CRLF1: variants seen among roughly 807,000 people sequenced by gnomAD.
CRLF1 encodes the protein cytokine receptor-like factor 1.
CRLF1 carries 36 observed loss-of-function variants against 48.9 expected under a neutral mutation model. That is an observed-to-expected ratio of 0.74 (90% CI 0.56 to 0.97). The LOEUF (loss-of-function observed/expected upper bound fraction) is 0.97. Ranked by LOEUF, CRLF1 falls within the 50% of genes least tolerant of loss-of-function variation. The pLI, the probability that CRLF1 is intolerant of heterozygous loss-of-function variation, is 0.00. For synonymous variants in CRLF1, 256 were observed against 253.4 expected, an observed-to-expected ratio of 1.01 and a Z score of -0.10; for missense variants, 534 against 575.1, an observed-to-expected ratio of 0.93 and a Z score of 0.73.
At position 18,604,231 on chromosome 19, in the gene CRLF1, C is replaced by T. The variant is rs368726230; in HGVS notation, c.115+2311G>A. Among the ~76,000 whole-genome samples, 27 of 152,294 alleles carry T rather than the reference C, an allele frequency of 1.8e-4. No individual in the cohort carries two copies. The East Asian group carries it at 4.7e-3, about 26-fold the overall frequency. On this transcript the variant is annotated intron_variant, in intron 1 of 8. Transcript: ENST00000392386. ...GGCCTGGGCCGGCGTGGCTCACTTG[C>T]CAGCAGCTGCAGCTGCCCTCCCGGG...
rs976122959 is a variant in CRLF1 at position 18,606,679 on chromosome 19, C to T, written c.-23G>A. 2 of 520,928 alleles carry T rather than the reference C, an allele frequency of 3.8e-6. No individual in the cohort carries two copies. The highest frequency in any genetic ancestry group is 4.9e-6 in the Non-Finnish European group (2 of 409,168). 32.3% of individuals were successfully genotyped at this position (520,928 alleles called of 1,614,324 possible). On this transcript the variant is annotated 5_prime_UTR_variant, in exon 1 of 9. Transcript: ENST00000392386. This position sits in a 1 kb window ranked among gnomAD's most constrained non-coding sequence, Gnocchi z 4.8. ...CATGGGGCCGGCGCTGCCGGGGGCG[C>T]GCGGCGGGCTGCGGCTCGGCGGCGG... is the stretch of plus-strand genomic sequence containing the variant.
chr19:18,603,814 G>C (rs1976250393), intron 1 of CRLF1, among the ~76,000 whole-genome samples: 1 of 151,948 alleles, frequency 6.6e-6, no homozygotes, highest in Admixed American at 6.5e-5. Context: ...GCTTGGCCCA[G>C]GGCTCGCCGG....
intron 2 of CRLF1, 35 bp downstream of exon 2, chr19:18,599,530 G>C (rs755940352): frequency 1.9e-6 from 3 of 1,611,408 alleles, no homozygotes; most frequent in South Asian, 2.2e-5. Context: ...CCGCTCCCAA[G>C]AGCTACCCCT....
rs1249177763 is a variant in CRLF1, at chr19:18,594,424, G to A, written c.1035C>T (p.Gly345=). ...AASTPRSERP[G]PGGGACEPRG... ...GCGGTTCGCACGCCCCGCCGCCCGGGCCCGGGCGCTCTGGTGGTGGGCGGA... is the reference window on the plus strand; with the variant it reads ...GCGGTTCGCACGCCCCGCCGCCCGGACCCGGGCGCTCTGGTGGTGGGCGGA... Residue 345 remains glycine (G), a synonymous_variant, in exon 7 of 9, where the codon GGC becomes GGT. Coordinates refer to ENST00000392386, the MANE Select transcript of CRLF1 (RefSeq NM_004750.5). The A allele has an allele frequency of 1.3e-6, 2 of 1,493,156 alleles. No homozygotes were observed. Among genetic ancestry groups the A allele is most frequent in the African/African-American group, 1.4e-5 (1 of 70,226 alleles). 92.5% of individuals were successfully genotyped at this position (1,493,156 alleles called of 1,614,324 possible).
chr19:18,601,663 C>T (rs1384511289), intron 1 of CRLF1, among the ~76,000 whole-genome samples: 4 of 152,176 alleles, frequency 2.6e-5, no homozygotes, highest in African/African-American at 7.2e-5. Context: ...CTCAGCCTCC[C>T]GAAGTGCTGG....
intron 1 of CRLF1, among the ~76,000 whole-genome samples, chr19:18,603,141 C>T (rs915307334): frequency 2.0e-5 from 3 of 152,246 alleles, no homozygotes; most frequent in South Asian, 2.1e-4. Flanking sequence ...ATAGTGTGTC[C>T]GGATCTGTGG....
intron 1 of CRLF1, among the ~76,000 whole-genome samples, chr19:18,601,576 G>A (rs1442662286): frequency 6.6e-6 from 1 of 151,964 alleles, no homozygotes; most frequent in African/African-American, 2.4e-5. Flanking sequence ...CGCCCAGCCT[G>A]TATTTTTAGT....
intron 8 of CRLF1, 33 bp downstream of exon 8, chr19:18,594,032 T>TTGGA: frequency 2.9e-6 from 2 of 695,808 alleles, no homozygotes; most frequent in Non-Finnish European, 4.4e-6. Context: ...CTCCCCTTGC[T>TTGGA]CCCTCCCGCC....
chr19:18,599,661 C>G lies in CRLF1; in HGVS notation c.301G>C (p.Ala101Pro). 2 of 1,613,246 alleles carry G rather than the reference C, an allele frequency of 1.2e-6. No individual in the cohort carries two copies. The highest frequency in any genetic ancestry group is 8.5e-7 in the Non-Finnish European group (1 of 1,179,818). Reference sequence around the variant, plus strand: ...CGCTGCCTGGACCCATTGAGGTTGGCCAGGGCCAGAGCCAAGGTGGAGGCG... The same window carrying G: ...CGCTGCCTGGACCCATTGAGGTTGGGCAGGGCCAGAGCCAAGGTGGAGGCG... Reference protein sequence around the residue: ...LNASTLALALANLNGSRQRSG... With the variant: ...LNASTLALALPNLNGSRQRSG... Residue 101 changes from alanine (A) to proline (P), a missense_variant, in exon 2 of 9, where the codon GCC becomes CCC. Ala to Pro is a conservative substitution (Grantham distance 27). Transcript: ENST00000392386.
At chr19:18,602,249 G>A (rs530580360) in intron 1 of CRLF1, among the ~76,000 whole-genome samples, 1 of 152,274 alleles carries the variant, frequency 6.6e-6, no homozygotes, top group East Asian at 1.9e-4. Flanking sequence ...GGGTGCACAG[G>A]CCAACCTCCC....
intron 8 of CRLF1, 35 bp downstream of exon 8, chr19:18,594,030 G>GGGGGGGGCC: frequency 3.0e-6 from 4 of 1,315,292 alleles, no homozygotes; most frequent in Non-Finnish European, 4.2e-6. Context: ...CCCTCCCCTT[G>GGGGGGGGCC]CTCCCTCCCG....
At chr19:18,598,005 G>A (rs1369201138) in intron 4 of CRLF1, among the ~76,000 whole-genome samples, 2 of 152,090 alleles carry the variant, frequency 1.3e-5, no homozygotes, top group African/African-American at 2.4e-5. Context: ...GCCTGCTTGG[G>A]GCTGAGAAAC....
chr19:18,606,607 G>T lies in CRLF1; in HGVS notation c.50C>A (p.Pro17Gln), dbSNP rs1279453694. 7 of 1,093,518 alleles carry T rather than the reference G, an allele frequency of 6.4e-6. No individual in the cohort carries two copies. In the South Asian group the frequency reaches 1.7e-4, roughly 27 times the overall value. 67.7% of individuals were successfully genotyped at this position (1,093,518 alleles called of 1,614,324 possible). ...CAGCAGCAGCAGGGGCAGCAACGGC[G>T]GCGGCCGCCGCGCGGATTGGGCGGC... The part of the protein sequence containing the change: ...GPAAQSARRP[P>Q]PLLPLLLLLC... Residue 17 changes from proline to glutamine, a missense_variant, in exon 1 of 9, where the codon CCG becomes CAG. Around this residue, in one of 2 missense-constraint regions of CRLF1, gnomAD observed 528 missense variants for 555.7 expected, o/e 0.95. Coordinates refer to ENST00000392386, the MANE Select transcript of CRLF1 (RefSeq NM_004750.5). This position sits in a 1 kb window ranked among gnomAD's most constrained non-coding sequence, Gnocchi z 4.8.
At chr19:18,597,523 G>A (rs1352985822) in intron 4 of CRLF1, among the ~76,000 whole-genome samples, 1 of 142,940 alleles carries the variant, frequency 7.0e-6, no homozygotes, top group Admixed American at 7.2e-5. Flanking sequence ...TCCGCCTCCC[G>A]GGTTCACGCC....
At chr19:18,594,032 T>TGGGGCCCCCCCCC in intron 8 of CRLF1, 33 bp downstream of exon 8, 2 of 695,812 alleles carry the variant, frequency 2.9e-6, no homozygotes, top group Non-Finnish European at 4.4e-6. Flanking sequence ...CTCCCCTTGC[T>TGGGGCCCCCCCCC]CCCTCCCGCC....
chr19:18,605,774 G>A (rs1305806870), intron 1 of CRLF1, among the ~76,000 whole-genome samples: 1 of 152,162 alleles, frequency 6.6e-6, no homozygotes, highest in Non-Finnish European at 1.5e-5. Context: ...GTCCCTCCAG[G>A]GCAGGGGTCT....
intron 8 of CRLF1, 112 bp downstream of exon 8, chr19:18,593,953 C>T (rs1349532598): frequency 6.7e-7 from 1 of 1,497,746 alleles, no homozygotes; most frequent in Non-Finnish European, 9.0e-7. Flanking sequence ...GATTCCATCT[C>T]AGCGACTCTA....
chr19:18,598,788 G>C lies in CRLF1; in HGVS notation c.511C>G (p.Leu171Val). The C allele has an allele frequency of 6.2e-7, 1 of 1,614,126 alleles. No homozygotes were observed. The highest frequency in any genetic ancestry group is 8.5e-7 in the Non-Finnish European group (1 of 1,180,000). Residue 171 changes from leucine to valine, a missense_variant, in exon 3 of 9, where the codon CTC becomes GTC. Around this residue, in one of 2 missense-constraint regions of CRLF1, gnomAD observed 528 missense variants for 555.7 expected, o/e 0.95. Coordinates refer to ENST00000392386, the MANE Select transcript of CRLF1 (RefSeq NM_004750.5). ...GETFLHTNYS[L>V]KYKLRWYGQD... ...ACCACCAACCTAAGCTTGTACTTGA[G>C]GGAGTAGTTGGTGTGGAGGAAGGTC...
At chr19:18,604,986 C>G (rs2238648) in intron 1 of CRLF1, among the ~76,000 whole-genome samples, 38,874 of 152,094 alleles carry the variant, frequency 0.26, 6,131 homozygotes, top group Non-Finnish European at 0.35. Context: ...CACGGGGGTC[C>G]CCATCTCCCG....
Sources: allele counts gnomAD v4.1 joint callset (sites outside exome capture counted in the v4.1 genomes callset), GRCh38; gene constraint gnomAD v4.1.1; regional missense constraint gnomAD v4.1.1; non-coding constraint Gnocchi (gnomAD v3.1); transcripts MANE v1.5; gene names NCBI Gene and HGNC (gene_info 2026-07-23, HGNC 2026-07-21).